The following GRID1 variants were observed in gnomAD, a reference collection of about 807,000 sequenced individuals.
The protein encoded by GRID1 is glutamate ionotropic receptor delta type subunit 1, also known as glutamate receptor ionotropic, delta-1.
A neutral mutation model predicts 98.0 loss-of-function variants in GRID1; 28 were observed. The ratio of observed to expected loss-of-function variants is 0.29; its 90% CI spans 0.21 to 0.39. GRID1 has a LOEUF of 0.39. Among genes scored for constraint, GRID1 ranks in the 10% least tolerant of loss-of-function variants. GRID1 has a pLI of 1.00. For synonymous variants in GRID1, 553 were observed against 538.5 expected (o/e 1.03, Z -0.37); for missense variants, 1,111 against 1,340.5 (o/e 0.83, Z 2.67).
intron 4 of GRID1, among the ~76,000 whole-genome samples, chr10:86,032,211 G>A (rs1443667461): frequency 6.6e-6 from 1 of 152,094 alleles, no homozygotes; most frequent in Non-Finnish European, 1.5e-5. Context: ...GAGGTGGGGG[G>A]GCAGCCCCCG....
At chr10:85,903,965 C>A (rs560539565) in intron 5 of GRID1, among the ~76,000 whole-genome samples, 1 of 152,232 alleles carries the variant, frequency 6.6e-6, no homozygotes, top group Non-Finnish European at 1.5e-5. Flanking sequence ...CAACAGATTT[C>A]TCATGGGCAC....
intron 8 of GRID1, among the ~76,000 whole-genome samples, chr10:85,771,497 T>C (rs532990837): frequency 2.0e-4 from 31 of 152,158 alleles, no homozygotes; most frequent in African/African-American, 7.2e-4. Context: ...GTAAATGGAC[T>C]AAATGCTCCA....
intron 6 of GRID1, 134 bp from the exon 7 acceptor site, chr10:85,856,324 C>T (rs1016547162): frequency 1.2e-4 from 90 of 774,898 alleles, no homozygotes; most frequent in Non-Finnish European, 1.6e-4. Flanking sequence ...CCAAGATCCT[C>T]GGCTTTTAGG....
At chr10:86,086,139 T>TA (rs1844052789) in intron 4 of GRID1, among the ~76,000 whole-genome samples, 1 of 152,204 alleles carries the variant, frequency 6.6e-6, no homozygotes, top group East Asian at 1.9e-4. Context: ...CCTGACCACC[T>TA]AGCTATTCTC....
At chr10:86,151,408 T>C (rs1051367734) in intron 3 of GRID1, among the ~76,000 whole-genome samples, 2 of 151,646 alleles carry the variant, frequency 1.3e-5, no homozygotes, top group Non-Finnish European at 2.9e-5. Flanking sequence ...CTGCTCTCTG[T>C]GCACCAAGAC....
intron 2 of GRID1, among the ~76,000 whole-genome samples, chr10:86,247,163 G>A (rs1310377575): frequency 6.6e-6 from 1 of 150,844 alleles, no homozygotes; most frequent in Non-Finnish European, 1.5e-5. Context: ...AGTGGATGAT[G>A]GATGGATGGA....
At chr10:86,001,753 C>G (rs1370409666) in intron 4 of GRID1, among the ~76,000 whole-genome samples, 1 of 152,082 alleles carries the variant, frequency 6.6e-6, no homozygotes, top group Non-Finnish European at 1.5e-5. Flanking sequence ...ACAGCTGCAT[C>G]GAGTGTATTA....
rs1842086380 is a variant in GRID1, at chr10:85,755,336, G to C, written c.1234-25722C>G. On this transcript the variant is annotated intron_variant, in intron 8 of 15. Transcript: ENST00000327946. ...TTCAGCTGGAAGATCAATAGGTCCT[G>C]GGTTCAGCTGAGCCGGCTGAGATGA... 2.0e-5 allele frequency among the ~76,000 whole-genome samples: 3 copies of C among 152,312 alleles called. No individual in the cohort carries two copies. In the South Asian group the frequency reaches 6.2e-4, roughly 32 times the overall value.
intron 11 of GRID1, 27 bp downstream of exon 11, chr10:85,724,325 T>TCAA: frequency 1.3e-6 from 2 of 1,580,136 alleles, no homozygotes; most frequent in Non-Finnish European, 1.7e-6. Context: ...CTAGAGCTAT[T>TCAA]CAATGATCAG....
chr10:85,871,246 T>C (rs541400310), intron 5 of GRID1, among the ~76,000 whole-genome samples: 1 of 152,212 alleles, frequency 6.6e-6, no homozygotes, highest in African/African-American at 2.4e-5. Flanking sequence ...AGAAAGCCTA[T>C]TTTATAATAA....
At chr10:86,258,681 A>G (rs1846963989) in intron 2 of GRID1, among the ~76,000 whole-genome samples, 1 of 152,212 alleles carries the variant, frequency 6.6e-6, no homozygotes, top group Non-Finnish European at 1.5e-5. Context: ...GGCAAGTCAC[A>G]TGGCCAAGGA....
In GRID1 at chr10:85,856,097, G is replaced by T. The variant is rs560037762; in HGVS notation, c.1045C>A (p.Leu349Ile). The part of the protein sequence containing the change: ...EDRKWHSMAS[L>I]NCIRKSTKPW... ...TTAGTGGATTTCCGTATGCAGTTGA[G>T]GCTCGCCATGCTATGCCACTTCCGG... Residue 349 changes from leucine (L) to isoleucine (I), a missense_variant, in exon 7 of 16, where the codon CTC becomes ATC. Physicochemically the swap from Leu to Ile is conservative, Grantham distance 5. Around this residue, in one of 3 missense-constraint regions of GRID1, gnomAD observed 762 missense variants for 869.1 expected, o/e 0.88. Coordinates refer to ENST00000327946, the MANE Select transcript of GRID1 (RefSeq NM_017551.3). The T allele has an allele frequency of 3.3e-5, 54 of 1,614,140 alleles. No individual in the cohort carries two copies. In the South Asian group the frequency reaches 3.6e-4, roughly 11 times the overall value.
chr10:85,885,006 A>C (rs1217646241), intron 5 of GRID1, among the ~76,000 whole-genome samples: 17 of 152,224 alleles, frequency 1.1e-4, no homozygotes, highest in Admixed American at 9.2e-4. Context: ...ACCATACTTA[A>C]TAAAAGATTT....
chr10:85,653,517 C>T (rs1035272492), intron 12 of GRID1, among the ~76,000 whole-genome samples: 1 of 152,164 alleles, frequency 6.6e-6, no homozygotes, highest in African/African-American at 2.4e-5. Context: ...GCAACATTTA[C>T]CTGGGGACCT....
At chr10:86,264,583 T>C in intron 2 of GRID1, 2 of 451,444 alleles carry the variant, frequency 4.4e-6, no homozygotes, top group Non-Finnish European at 8.9e-6. Context: ...TTCCACAATC[T>C]TCTCTGGCTC....
intron 5 of GRID1, among the ~76,000 whole-genome samples, chr10:85,883,014 T>A (rs1157528156): frequency 6.6e-6 from 1 of 152,112 alleles, no homozygotes; most frequent in African/African-American, 2.4e-5. Flanking sequence ...TTGTTTATTA[T>A]TTTTTCTTCT....
chr10:85,944,131 G>A (rs548922350), intron 4 of GRID1, among the ~76,000 whole-genome samples: 20 of 152,314 alleles, frequency 1.3e-4, no homozygotes, highest in Non-Finnish European at 2.1e-4. Flanking sequence ...CTGACCAGTA[G>A]CTGACCACAG....
intron 4 of GRID1, among the ~76,000 whole-genome samples, chr10:86,093,797 C>T (rs1206813495): frequency 6.6e-6 from 1 of 152,112 alleles, no homozygotes; most frequent in Non-Finnish European, 1.5e-5. Flanking sequence ...ATCCTTCTGA[C>T]ACTATTCCAC....
At chr10:85,860,805 C>G (rs1843157359) in intron 6 of GRID1, among the ~76,000 whole-genome samples, 1 of 152,134 alleles carries the variant, frequency 6.6e-6, no homozygotes, top group Non-Finnish European at 1.5e-5. Flanking sequence ...CACTAGCATC[C>G]ATTTGCTGAG....
Sources: allele counts gnomAD v4.1 joint callset (sites outside exome capture counted in the v4.1 genomes callset), GRCh38; gene constraint gnomAD v4.1.1; regional missense constraint gnomAD v4.1.1; transcripts MANE v1.5; gene names NCBI Gene and HGNC (gene_info 2026-07-23, HGNC 2026-07-21).